SPDYE16: variants seen among roughly 807,000 people sequenced by gnomAD.
SPDYE16 encodes speedy protein E16.
In SPDYE16, 5 loss-of-function variants were observed where a neutral mutation model predicts 40.1. That is an observed-to-expected ratio of 0.12 (90% CI 0.07 to 0.26). SPDYE16 has a LOEUF of 0.26. SPDYE16 is among the 10% of genes least tolerant of loss of function. SPDYE16 has a pLI of 1.00. For synonymous variants in SPDYE16, 40 were observed against 154.2 expected, an observed-to-expected ratio of 0.26 and a Z score of 5.49; for missense variants, 98 against 409.8, an observed-to-expected ratio of 0.24 and a Z score of 6.57.
chr7:76,532,116 G>A lies in SPDYE16; in HGVS notation c.*724C>T, dbSNP rs1812938357. ...GATAAAAAGAGTGCTCACTTCAGGA[G>A]CACATATAATAATACAGAAACAAAT... On this transcript the variant is annotated 3_prime_UTR_variant, in exon 9 of 9. Coordinates refer to ENST00000633306, the MANE Select transcript of SPDYE16 (RefSeq NM_001394943.1). 2 of 80,892 alleles carry A rather than the reference G, an allele frequency of 2.5e-5. 1 individual carries two copies. Among genetic ancestry groups the A allele is most frequent in the Admixed American group, 2.4e-4 (2 of 8,378 alleles). 5.0% of individuals were successfully genotyped at this position (80,892 alleles called of 1,614,324 possible). A position where few individuals can be genotyped will look rare whatever the true frequency, so the allele number is the denominator to read the frequency against.
At chr7:76,537,971 A>C (rs575523989) in intron 4 of SPDYE16, among the ~76,000 whole-genome samples, 1,107 of 80,480 alleles carry the variant, frequency 0.014, 236 homozygotes, top group Non-Finnish European at 0.014. Context: ...TAAGTTTCAG[A>C]GGGCACAGCT....
chr7:76,542,793 T>TAATGTGTCA (rs1813229411), intron 1 of SPDYE16, among the ~76,000 whole-genome samples: 1 of 144,784 alleles, frequency 6.9e-6, no homozygotes, highest in African/African-American at 2.5e-5. Flanking sequence ...CACAGCAAGA[T>TAATGTGTCA]ATTGTGTCAA....
chr7:76,541,207 G>A (rs1454618028), intron 2 of SPDYE16, 93 bp downstream of exon 2: 2 of 1,472,100 alleles, frequency 1.4e-6, no homozygotes, highest in Non-Finnish European at 1.8e-6. Context: ...GCCTCCCAAA[G>A]TGCTGGGGTT....
chr7:76,534,490 T>G lies in SPDYE16; in HGVS notation c.756-371A>C, dbSNP rs1812992814. On this transcript the variant is annotated intron_variant, in intron 6 of 8. Coordinates refer to ENST00000633306, the MANE Select transcript of SPDYE16 (RefSeq NM_001394943.1). ...TAAGAAATATGCCAGACGCGGTGGC[T>G]CATGCCTGTAATACCAGCACTTTAG... Among the ~76,000 whole-genome samples the G allele has an allele frequency of 4.7e-5, 4 of 85,734 alleles. 2 individuals carry two copies. In the South Asian group the frequency reaches 1.6e-3, roughly 35 times the overall value. The allele number at this position is 85,734 out of a possible 152,430, so 56.2% of individuals were successfully genotyped here. A position where few individuals can be genotyped will look rare whatever the true frequency, so the allele number is the denominator to read the frequency against.
chr7:76,540,974 CTTTTTTTTTT>C (rs1292373639), intron 2 of SPDYE16, among the ~76,000 whole-genome samples: 1 of 113,474 alleles, frequency 8.8e-6, no homozygotes, highest in Non-Finnish European at 1.7e-5. Flanking sequence ...CTTTTCTTTT[CTTTTTTTTTT>C]TTTTTTGGAG....
intron 6 of SPDYE16, among the ~76,000 whole-genome samples, chr7:76,534,335 G>GA (rs1812989843): frequency 1.1e-5 from 1 of 87,160 alleles, no homozygotes; most frequent in Non-Finnish European, 2.3e-5. Flanking sequence ...AACCCAACTG[G>GA]TGGCCGAGAG....
chr7:76,541,177 C>G (rs1422730360), intron 2 of SPDYE16, 123 bp downstream of exon 2: 35 of 1,412,984 alleles, frequency 2.5e-5, no homozygotes, highest in Non-Finnish European at 3.0e-5. Flanking sequence ...CTCCTGACCT[C>G]AGGTGATCCG....
At chr7:76,540,927 C>T (rs531825243) in intron 2 of SPDYE16, among the ~76,000 whole-genome samples, 8 of 145,832 alleles carry the variant, frequency 5.5e-5, no homozygotes, top group Admixed American at 5.4e-4. Flanking sequence ...CACACACCCT[C>T]CTCAGGTTCT....
In SPDYE16 at chr7:76,542,047, A is replaced by T. The variant is rs2903795; in HGVS notation, c.-421-167T>A. Among the ~76,000 whole-genome samples, 2 of 122,172 alleles carry T rather than the reference A, an allele frequency of 1.6e-5. 1 individual carries two copies. The highest frequency in any genetic ancestry group is 4.1e-5 in the Non-Finnish European group (2 of 48,870). 80.1% of individuals were successfully genotyped at this position (122,172 alleles called of 152,430 possible). A position where few individuals can be genotyped will look rare whatever the true frequency, so the allele number is the denominator to read the frequency against. On this transcript the variant is annotated intron_variant, in intron 1 of 8. Coordinates refer to ENST00000633306, the MANE Select transcript of SPDYE16 (RefSeq NM_001394943.1). ...ATGTACAAGAGTGAGATTATCATGTACAAGAGTGAGATTATCATGTACAAG... is the reference window on the plus strand; with the variant it reads ...ATGTACAAGAGTGAGATTATCATGTTCAAGAGTGAGATTATCATGTACAAG...
Position 76,541,370 on chromosome 7 carries a change from C to T in SPDYE16, c.90G>A (p.Gln30=). 2 of 1,534,842 alleles carry T rather than the reference C, an allele frequency of 1.3e-6. No homozygotes were observed. The highest frequency in any genetic ancestry group is 1.7e-6 in the Non-Finnish European group (2 of 1,146,642). ...TSRQPHPQNE[Q]SPQRSTSGYS... is the part of the protein sequence containing the mutation. ...ACCCCGAGGTGCTCCGCTGGGGACT[C>T]TGCTCATTCTGGGGGTGAGGTTGAC... is the stretch of plus-strand genomic sequence containing the variant. The change falls in exon 2 of 9, where the codon CAG becomes CAA. Residue 30 remains glutamine (Q), a synonymous_variant. Coordinates refer to ENST00000633306, the MANE Select transcript of SPDYE16 (RefSeq NM_001394943.1).
intron 1 of SPDYE16, among the ~76,000 whole-genome samples, chr7:76,542,785 C>T (rs1195690707): frequency 6.9e-6 from 1 of 144,426 alleles, no homozygotes; most frequent in Non-Finnish European, 1.6e-5. Flanking sequence ...CTGGGCAACA[C>T]AGCAAGATAT....
In SPDYE16 at chr7:76,541,398, C is replaced by G; in HGVS notation, c.62G>C (p.Ser21Thr). The G allele has an allele frequency of 6.5e-7, 1 of 1,534,802 alleles. No homozygotes were observed. The highest frequency in any genetic ancestry group is 8.7e-7 in the Non-Finnish European group (1 of 1,146,606). Residue 21 changes from serine (S) to threonine (T), a missense_variant, in exon 2 of 9, where the codon AGC (serine) becomes ACC (threonine). Physicochemically the swap from Ser to Thr is moderately conservative, Grantham distance 58 (BLOSUM62 1). Transcript: ENST00000633306. ...RGQIKGKITT[S>T]RQPHPQNEQS... The stretch of plus-strand genomic sequence containing the variant: ...CTCATTCTGGGGGTGAGGTTGACGG[C>G]TGGTCGTGATCTTTCCCTTAATCTG...
At position 76,532,732 on chromosome 7, in the gene SPDYE16, A is replaced by T. The variant is rs782488; in HGVS notation, c.*108T>A. On this transcript the variant is annotated 3_prime_UTR_variant, in exon 9 of 9. Transcript: ENST00000633306. ...ATGGTTCCTCTCCTCTTTCCTGTTG[A>T]CTGCCATTAGCATTGGAATAAAGTT... is the stretch of plus-strand genomic sequence containing the variant. 0.56 allele frequency: 153,264 copies of T among 273,258 alleles called. 70,304 individuals carry two copies. Among genetic ancestry groups the T allele is most frequent in the East Asian group, 1 (4,050 of 4,052 alleles). The allele number at this position is 273,258 out of a possible 1,614,324, so 16.9% of individuals were successfully genotyped here. A position where few individuals can be genotyped will look rare whatever the true frequency, so the allele number is the denominator to read the frequency against.
chr7:76,542,065 T>TACAAGAGTGAGATTATCAC (rs1196636919), intron 1 of SPDYE16, among the ~76,000 whole-genome samples, 185 bp from the exon 2 acceptor site: 2 of 85,218 alleles, frequency 2.3e-5, no homozygotes, highest in Non-Finnish European at 4.9e-5. Context: ...GAGATTATCA[T>TACAAGAGTGAGATTATCAC]GTACAAGAGT....
At chr7:76,534,782 T>A (rs1327597108) in intron 6 of SPDYE16, among the ~76,000 whole-genome samples, 2 of 129,672 alleles carry the variant, frequency 1.5e-5, no homozygotes, top group East Asian at 2.2e-4. Context: ...ACAAACAAAC[T>A]GTCCAGGTGT....
intron 5 of SPDYE16, 115 bp downstream of exon 5, chr7:76,537,378 A>AAAAAG: frequency 3.3e-6 from 1 of 305,742 alleles, no homozygotes. Context: ...AAAAAAAAAA[A>AAAAAG]GACTGTAGGA....
intron 8 of SPDYE16, chr7:76,533,440 TC>T: frequency 1.5e-6 from 1 of 683,530 alleles, no homozygotes; most frequent in Non-Finnish European, 2.0e-6. Context: ...GCCCCGACCT[TC>T]CAGGCTCCAG....
intron 6 of SPDYE16, among the ~76,000 whole-genome samples, chr7:76,534,726 G>A (rs1192933451): frequency 6.9e-6 from 1 of 144,242 alleles, no homozygotes; most frequent in Admixed American, 7.0e-5. Context: ...CTCCATTCCA[G>A]CCTGAGAGGC....
Position 76,541,410 on chromosome 7 carries a change from T to G in SPDYE16, c.50A>C (p.Lys17Thr). 6.5e-7 allele frequency: 1 copy of G among 1,534,824 alleles called. No individual in the cohort carries two copies. The highest frequency in any genetic ancestry group is 8.7e-7 in the Non-Finnish European group (1 of 1,146,624). Residue 17 changes from lysine to threonine, a missense_variant, in exon 2 of 9, where the codon AAG becomes ACG. Physicochemically the swap from Lys to Thr is moderately conservative, Grantham distance 78. Transcript: ENST00000633306. ...GTGAGGTTGACGGCTGGTCGTGATC[T>G]TTCCCTTAATCTGTCCCCTCTTACG... ...RFRKRGQIKG[K>T]ITTSRQPHPQ...
Sources: gnomAD v4.1 joint callset for allele counts (sites outside exome capture counted in the v4.1 genomes callset) on GRCh38, gnomAD v4.1.1 for gene constraint, MANE v1.5 for transcripts, NCBI Gene and HGNC (gene_info 2026-07-23, HGNC 2026-07-21) for gene names.